The following USP15 variants were observed in gnomAD, a reference collection of about 807,000 sequenced individuals.
USP15 encodes ubiquitin carboxyl-terminal hydrolase 15.
USP15 carries 18 observed loss-of-function variants against 127.1 expected under a neutral mutation model. The observed-to-expected ratio is 0.14, with a 90% CI of 0.10 to 0.21. The LOEUF (loss-of-function observed/expected upper bound fraction) is 0.21, where lower values mean the gene tolerates loss of function less well. Among genes scored for constraint, USP15 ranks in the 10% least tolerant of loss-of-function variants. USP15 has a pLI of 1.00. For missense variants in USP15, 805 were observed against 1,159.9 expected (o/e 0.69, Z 4.44); for synonymous variants, 364 against 393.7 (o/e 0.92, Z 0.89).
chr12:62,263,827 A>G (rs2063128818), intron 1 of USP15, among the ~76,000 whole-genome samples: 1 of 152,210 alleles, frequency 6.6e-6, no homozygotes, highest in Non-Finnish European at 1.5e-5. Flanking sequence ...CTAGAATTGT[A>G]TCGCTTAGGA....
rs187036778 is a variant in USP15 at position 62,357,037 on chromosome 12, A to G, written c.915+1562A>G. On this transcript the variant is annotated intron_variant, in intron 8 of 21. Coordinates refer to ENST00000280377, the MANE Select transcript of USP15 (RefSeq NM_001252078.2). Reference sequence around the variant, plus strand: ...AAATTACTTTGGTTCCAGATGCTTGATATCAGCTAGAGTTTTTTTTCCTAG... The same window carrying G: ...AAATTACTTTGGTTCCAGATGCTTGGTATCAGCTAGAGTTTTTTTTCCTAG... 3.9e-5 allele frequency among the ~76,000 whole-genome samples: 6 copies of G among 152,026 alleles called. No homozygotes were observed. The East Asian group carries it at 1.2e-3, about 29-fold the overall frequency.
At chr12:62,277,261 A>G (rs1169662210) in intron 1 of USP15, among the ~76,000 whole-genome samples, 1 of 152,142 alleles carries the variant, frequency 6.6e-6, no homozygotes, top group Non-Finnish European at 1.5e-5. Context: ...GTATTTATAT[A>G]TTTCCTAACC....
At chr12:62,380,895 G>A (rs1009029112) in intron 8 of USP15, among the ~76,000 whole-genome samples, 4 of 151,514 alleles carry the variant, frequency 2.6e-5, no homozygotes, top group African/African-American at 4.9e-5. Flanking sequence ...AAATTGTATC[G>A]TTTATGAAAT....
intron 2 of USP15, among the ~76,000 whole-genome samples, chr12:62,301,113 G>A (rs747431318): frequency 6.6e-6 from 1 of 152,058 alleles, no homozygotes; most frequent in Non-Finnish European, 1.5e-5. Context: ...CAAAAAGCAC[G>A]TGCAAAAATG....
rs1039207987 is a variant in USP15, at chr12:62,401,877, T to A, written c.2763+602T>A. Among the ~76,000 whole-genome samples the A allele has an allele frequency of 7.4e-5, 11 of 147,796 alleles. No individual in the cohort carries two copies. The South Asian group carries it at 2.1e-3, about 28-fold the overall frequency. On this transcript the variant is annotated intron_variant, in intron 21 of 21. Transcript: ENST00000280377. ...ATGGGTTTGTGTGTGTGTGTGTATA[T>A]GTATATATACACACAGATGCATACA...
chr12:62,316,225 C>T (rs1381845577), intron 4 of USP15, among the ~76,000 whole-genome samples: 2 of 147,896 alleles, frequency 1.4e-5, no homozygotes, highest in Non-Finnish European at 3.0e-5. Context: ...GTGGAGGTTG[C>T]AGTGGGCCGA....
Position 62,405,572 on chromosome 12 carries a change from A to G in USP15, c.*1197A>G, listed in dbSNP as rs908230825. 3 of 152,618 alleles carry G rather than the reference A, an allele frequency of 2.0e-5. No individual in the cohort carries two copies. Among genetic ancestry groups the G allele is most frequent in the African/African-American group, 7.2e-5 (3 of 41,464 alleles). The allele number at this position is 152,618 out of a possible 1,614,324, so 9.5% of individuals were successfully genotyped here. On this transcript the variant is annotated 3_prime_UTR_variant, in exon 22 of 22. Coordinates refer to ENST00000280377, the MANE Select transcript of USP15 (RefSeq NM_001252078.2). Reference sequence around the variant, plus strand: ...TGCCAAAAATATGTGTGAACATTTGAAACATTTTTATTTGCTGCTTTTTCC... The same window carrying G: ...TGCCAAAAATATGTGTGAACATTTGGAACATTTTTATTTGCTGCTTTTTCC...
intron 8 of USP15, chr12:62,374,575 T>C: frequency 1.0e-6 from 1 of 985,172 alleles, no homozygotes; most frequent in Non-Finnish European, 1.2e-6. Context: ...GTTATTGGGA[T>C]GGCTATTAAT....
intron 1 of USP15, among the ~76,000 whole-genome samples, chr12:62,289,722 T>TGTGC (rs1337414554): frequency 6.6e-6 from 1 of 151,636 alleles, no homozygotes; most frequent in Non-Finnish European, 1.5e-5. Context: ...TGTGTGTGTG[T>TGTGC]GTGTGTGTGT....
rs1340920268 is a variant in USP15, at chr12:62,404,575, A to G, written c.*200A>G. The G allele has an allele frequency of 1.1e-5, 6 of 565,906 alleles. No homozygotes were observed. The allele number at this position is 565,906 out of a possible 1,614,324, so 35.1% of individuals were successfully genotyped here. A position where few individuals can be genotyped will look rare whatever the true frequency, so the allele number is the denominator to read the frequency against. ...ACTTTAACAGAAATTGTCTCTTAAT[A>G]CATTTACAGTCTTGTATTTACAAGC... On this transcript the variant is annotated 3_prime_UTR_variant, in exon 22 of 22. Coordinates refer to ENST00000280377, the MANE Select transcript of USP15 (RefSeq NM_001252078.2).
At chr12:62,333,264 T>TTTG (rs879356583) in intron 6 of USP15, among the ~76,000 whole-genome samples, 4 of 152,030 alleles carry the variant, frequency 2.6e-5, no homozygotes, top group Admixed American at 1.3e-4. Flanking sequence ...AAATCTATAA[T>TTTG]TTGTTGTTGT....
chr12:62,320,732 C>T (rs781357038), intron 4 of USP15, among the ~76,000 whole-genome samples: 4 of 151,850 alleles, frequency 2.6e-5, no homozygotes, highest in African/African-American at 7.3e-5. Flanking sequence ...CATATTTCTT[C>T]GGAGAACGTA....
At chr12:62,289,932 T>C (rs2063909403) in intron 1 of USP15, among the ~76,000 whole-genome samples, 1 of 152,112 alleles carries the variant, frequency 6.6e-6, no homozygotes, top group East Asian at 1.9e-4. Context: ...AATTCCCCCT[T>C]GGGATTGATT....
At chr12:62,288,654 C>T (rs2063856062) in intron 1 of USP15, among the ~76,000 whole-genome samples, 2 of 152,126 alleles carry the variant, frequency 1.3e-5, no homozygotes, top group South Asian at 4.1e-4. Context: ...TGTAAGTGGG[C>T]ATTTTTGTCT....
chr12:62,278,561 T>C (rs576288125), intron 1 of USP15: 1 of 152,102 alleles, frequency 6.6e-6, no homozygotes. Context: ...GCAAAAGGGC[T>C]TTTTTAGGTA....
rs2066889387 is a variant in USP15, at chr12:62,378,187, AC to A, written c.916-3302del. Among the ~76,000 whole-genome samples, 14 of 152,330 alleles carry A rather than the reference AC, an allele frequency of 9.2e-5. 1 individual carries two copies. The South Asian group carries it at 2.9e-3, about 32-fold the overall frequency. On this transcript the variant is annotated intron_variant, in intron 8 of 21. Transcript: ENST00000280377. Reference sequence around the variant, plus strand: ...GTGCCACTGCACTCCAGCCTGGGTGACAGAGTGAGACTCCATCTCAGAACAA... The same window carrying A: ...GTGCCACTGCACTCCAGCCTGGGTGAAGAGTGAGACTCCATCTCAGAACAA...
chr12:62,341,197 C>T (rs530589860), intron 6 of USP15, among the ~76,000 whole-genome samples: 1 of 137,274 alleles, frequency 7.3e-6, no homozygotes, highest in African/African-American at 2.9e-5. Context: ...GTATTTCAAC[C>T]CCTGCTTTTT....
chr12:62,273,721 G>T (rs1429332746), intron 1 of USP15, among the ~76,000 whole-genome samples: 2 of 152,092 alleles, frequency 1.3e-5, no homozygotes, highest in African/African-American at 4.8e-5. Flanking sequence ...GTTTTTGTGT[G>T]TGTGTGATCT....
rs559659467 is a variant in USP15 at position 62,406,307 on chromosome 12, T to G, written c.*1932T>G. On this transcript the variant is annotated 3_prime_UTR_variant, in exon 22 of 22. Transcript: ENST00000280377. ...TTTGTCCACTTTAATATTTATTCAT[T>G]AAACATATGTTTGTGTACCAATCAC... 2.0e-5 allele frequency: 3 copies of G among 152,330 alleles called. No homozygotes were observed. In the South Asian group the frequency reaches 6.2e-4, roughly 32 times the overall value. 9.4% of individuals were successfully genotyped at this position (152,330 alleles called of 1,614,324 possible).
Sources: allele counts gnomAD v4.1 joint callset (sites outside exome capture counted in the v4.1 genomes callset), GRCh38; gene constraint gnomAD v4.1.1; transcripts MANE v1.5; gene names NCBI Gene and HGNC (gene_info 2026-07-23, HGNC 2026-07-21).